Variants in CHMP3 observed in about 807,000 individuals in gnomAD.
CHMP3 encodes charged multivesicular body protein 3, also known as 25.1 protein.
CHMP3 carries 8 observed loss-of-function variants against 27.4 expected under a neutral mutation model. The ratio of observed to expected loss-of-function variants is 0.29; its 90% CI spans 0.17 to 0.53. The LOEUF (loss-of-function observed/expected upper bound fraction) is 0.53. Among genes scored for constraint, CHMP3 ranks in the 20% least tolerant of loss-of-function variants. The probability of loss-of-function intolerance (pLI) is 0.96; values close to 1 mark genes in which losing one functional copy is unlikely to be tolerated. For synonymous variants in CHMP3, 86 were observed against 85.5 expected (o/e 1.01, Z -0.03); for missense variants, 208 against 271.5 (o/e 0.77, Z 1.64).
chr2:86,518,654 G>A (rs1199917175), intron 3 of CHMP3, among the ~76,000 whole-genome samples: 1 of 151,986 alleles, frequency 6.6e-6, no homozygotes, highest in Non-Finnish European at 1.5e-5. Flanking sequence ...GCATTCTAGG[G>A]TGTTCAGCAG....
rs373977763 is a variant in CHMP3 at position 86,549,681 on chromosome 2, G to A, written c.46-7369C>T. ...CCCCTCACTTCCCAGATGGGGTGGC[G>A]GCCGGGCAGAGACGCCCCTCACCTC... On this transcript the variant is annotated intron_variant, in intron 1 of 5. Coordinates refer to ENST00000263856, the MANE Select transcript of CHMP3 (RefSeq NM_016079.4). 1.6e-3 allele frequency among the ~76,000 whole-genome samples: 238 copies of A among 144,682 alleles called. 15 individuals are homozygous for A. The East Asian group carries it at 0.041, about 25-fold the overall frequency. The allele number at this position is 144,682 out of a possible 152,430, so 94.9% of individuals were successfully genotyped here.
At chr2:86,562,050 T>C (rs530140544) in intron 1 of CHMP3, 1 of 152,332 alleles carries the variant, frequency 6.6e-6, no homozygotes, top group South Asian at 2.1e-4. Context: ...TGTTATACCG[T>C]TATTTCATTT....
In CHMP3 at chr2:86,505,890, C is replaced by T. The variant is rs751335215; in HGVS notation, c.583G>A (p.Gly195Arg). 45 of 1,597,312 alleles carry T rather than the reference C, an allele frequency of 2.8e-5. No homozygotes were observed. Among genetic ancestry groups the T allele is most frequent in the Non-Finnish European group, 3.8e-5 (44 of 1,170,946 alleles). ...TDALPEPEPP[G>R]AMAASEDEEE... ...TCATCCTCTGAGGCAGCCATCGCTC[C>T]TGGAGGTTCTGGCTCTGGAAGGGCA... is the stretch of plus-strand genomic sequence containing the variant. The change falls in exon 6 of 6, where the codon GGA becomes AGA. Residue 195 changes from glycine (G) to arginine (R), a missense_variant. Physicochemically the swap from Gly to Arg is moderately radical, Grantham distance 125. Coordinates refer to ENST00000263856, the MANE Select transcript of CHMP3 (RefSeq NM_016079.4).
chr2:86,516,146 CAA>C (rs35800757), intron 3 of CHMP3, among the ~76,000 whole-genome samples: 2 of 83,660 alleles, frequency 2.4e-5, no homozygotes, highest in African/African-American at 1.3e-4. Context: ...GACTCCATCT[CAA>C]AAAAAAAAAA....
intron 1 of CHMP3, among the ~76,000 whole-genome samples, chr2:86,544,738 ACTT>A (rs1159467790): frequency 2.0e-5 from 3 of 152,208 alleles, no homozygotes; most frequent in Non-Finnish European, 4.4e-5. Context: ...TCCTATGTCT[ACTT>A]CTTTCTACAC....
At chr2:86,513,231 T>C (rs141191008) in intron 3 of CHMP3, among the ~76,000 whole-genome samples, 2,395 of 152,316 alleles carry the variant, frequency 0.016, 22 homozygotes, top group Non-Finnish European at 0.026. Flanking sequence ...AAATGCATAT[T>C]ACTAAGTGAA....
chr2:86,536,800 CTT>C (rs1676161995), intron 2 of CHMP3, among the ~76,000 whole-genome samples: 1 of 152,084 alleles, frequency 6.6e-6, no homozygotes, highest in Non-Finnish European at 1.5e-5. Flanking sequence ...CTCTCTGCAC[CTT>C]TCTCTCTCTC....
chr2:86,546,666 G>A (rs900122947), intron 1 of CHMP3, among the ~76,000 whole-genome samples: 3 of 152,088 alleles, frequency 2.0e-5, no homozygotes, highest in Non-Finnish European at 4.4e-5. Flanking sequence ...TACACCTCCT[G>A]ACCTCAGGTA....
chr2:86,546,466 T>C (rs1388897755), intron 1 of CHMP3, among the ~76,000 whole-genome samples: 1 of 151,224 alleles, frequency 6.6e-6, no homozygotes, highest in Admixed American at 6.6e-5. Context: ...AGACGGACTT[T>C]CGCTCTTGTT....
At position 86,563,343 on chromosome 2, in the gene CHMP3, C is replaced by A; in HGVS notation, c.6G>T (p.Gly2=). 2 of 1,614,126 alleles carry A rather than the reference C, an allele frequency of 1.2e-6. No individual in the cohort carries two copies. The highest frequency in any genetic ancestry group is 1.7e-6 in the Non-Finnish European group (2 of 1,179,968). Residue 2 remains glycine, a synonymous_variant, in exon 1 of 6, where the codon GGG becomes GGT. Transcript: ENST00000263856. M[G]LFGKTQEKPP... ...GCTTCTCCTGGGTCTTTCCAAACAG[C>A]CCCATGACGAACTGAACCCGTCTTG...
chr2:86,526,628 C>A (rs1037666827), intron 3 of CHMP3, among the ~76,000 whole-genome samples: 3 of 152,048 alleles, frequency 2.0e-5, no homozygotes, highest in African/African-American at 4.8e-5. Context: ...AATGTAATTT[C>A]ATCTAGTAGT....
chr2:86,546,073 G>A (rs1386880655), intron 1 of CHMP3, among the ~76,000 whole-genome samples: 9 of 152,062 alleles, frequency 5.9e-5, no homozygotes, highest in Admixed American at 4.6e-4. Context: ...CCTGGGCAAC[G>A]TTGAGCATTG....
chr2:86,550,117 T>G (rs919191005), intron 1 of CHMP3, among the ~76,000 whole-genome samples: 1 of 152,184 alleles, frequency 6.6e-6, no homozygotes, highest in Admixed American at 6.5e-5. Context: ...AGACTCCGTC[T>G]GCAATCCCAG....
chr2:86,507,587 T>C lies in CHMP3; in HGVS notation c.415A>G (p.Ile139Val), dbSNP rs1674935956. The stretch of plus-strand genomic sequence containing the variant: ...GTGTCCTCTAACATCTCCTCTATGA[T>C]CCCAGCCTAAACAGAATAAATATGT... The part of the protein sequence containing the change: ...ELSKEMMKAG[I>V]IEEMLEDTFE... The change falls in exon 5 of 6, where the codon ATC becomes GTC. Residue 139 changes from isoleucine to valine, a missense_variant. By Grantham distance (29) the Ile-to-Val change is conservative. Around this residue, in one of 3 missense-constraint regions of CHMP3, gnomAD observed 94 missense variants for 159.6 expected, o/e 0.59. Transcript: ENST00000263856. 1 of 1,613,842 alleles carries C rather than the reference T, an allele frequency of 6.2e-7. No individual in the cohort carries two copies. Among genetic ancestry groups the C allele is most frequent in the Non-Finnish European group, 8.5e-7 (1 of 1,179,842 alleles).
intron 1 of CHMP3, among the ~76,000 whole-genome samples, chr2:86,560,670 G>A (rs768418320): frequency 6.0e-5 from 9 of 151,062 alleles, no homozygotes; most frequent in Non-Finnish European, 1.0e-4. Flanking sequence ...AAAACTGCAC[G>A]TTCTGCACAT....
chr2:86,544,184 C>T (rs1009549814), intron 1 of CHMP3, among the ~76,000 whole-genome samples: 2 of 152,158 alleles, frequency 1.3e-5, no homozygotes, highest in African/African-American at 4.8e-5. Context: ...TAACACAACT[C>T]GTTTATCCAT....
intron 3 of CHMP3, among the ~76,000 whole-genome samples, chr2:86,524,874 AAAC>A (rs1443204312): frequency 6.6e-6 from 1 of 152,198 alleles, no homozygotes; most frequent in African/African-American, 2.4e-5. Context: ...GTTAAAGAGA[AAAC>A]AATACAGGAT....
chr2:86,553,832 T>C (rs2104035088), intron 1 of CHMP3, among the ~76,000 whole-genome samples: 1 of 152,332 alleles, frequency 6.6e-6, no homozygotes, highest in South Asian at 2.1e-4. Flanking sequence ...GCAAAATGTG[T>C]TATATTTATA....
chr2:86,524,274 A>C (rs528515472), intron 3 of CHMP3, among the ~76,000 whole-genome samples: 17 of 152,340 alleles, frequency 1.1e-4, no homozygotes, highest in African/African-American at 4.1e-4. Context: ...GAAAGGATGC[A>C]CCAAGGAATA....
Sources: allele counts gnomAD v4.1 joint callset (sites outside exome capture counted in the v4.1 genomes callset), GRCh38; gene constraint gnomAD v4.1.1; regional missense constraint gnomAD v4.1.1; transcripts MANE v1.5; gene names NCBI Gene and HGNC (gene_info 2026-07-23, HGNC 2026-07-21).